The following OVCH2 variants were observed in gnomAD, a reference collection of about 807,000 sequenced individuals.
The protein encoded by OVCH2 is ovochymase 2.
A neutral mutation model predicts 73.7 loss-of-function variants in OVCH2; 88 were observed. The ratio of observed to expected loss-of-function variants is 1.19; its 90% CI spans 1.01 to 1.43. The LOEUF (loss-of-function observed/expected upper bound fraction) is 1.43, where lower values mean the gene tolerates loss of function less well. Among genes scored for constraint, OVCH2 ranks in the 40% most tolerant of loss-of-function variants. OVCH2 has a pLI of 0.00. For synonymous variants in OVCH2, 265 were observed against 234.5 expected (o/e 1.13, Z -1.19); for missense variants, 706 against 674.5 (o/e 1.05, Z -0.52).
At chr11:7,683,608 C>A in the OVCH2 span, among the ~76,000 whole-genome samples, 3 of 152,174 alleles carry the variant, frequency 2.0e-5, no homozygotes, top group African/African-American at 7.2e-5. Context: ...CATTTGATGT[C>A]ATCCCATTCC....
downstream of OVCH2, among the ~76,000 whole-genome samples, chr11:7,684,845 G>A (rs1368942250): frequency 6.6e-6 from 1 of 152,116 alleles, no homozygotes; most frequent in Non-Finnish European, 1.5e-5. Context: ...GGCACAGAGA[G>A]TCTGGGAAGA....
At chr11:7,682,376 T>C in the OVCH2 span, among the ~76,000 whole-genome samples, 1 of 152,190 alleles carries the variant, frequency 6.6e-6, no homozygotes, top group Admixed American at 6.5e-5. Context: ...AATTTAAATT[T>C]CTGATTTCAA....
intron 15 of OVCH2, 79 bp downstream of exon 15, chr11:7,689,845 T>G (rs1216251909): frequency 1.1e-6 from 1 of 873,728 alleles, no homozygotes; most frequent in East Asian, 2.6e-5. Context: ...AAGATGGAAT[T>G]AAATCCATAT....
At chr11:7,696,610 G>C (rs746882843) in intron 9 of OVCH2, 21 bp from the exon 10 acceptor site, 26 of 1,613,906 alleles carry the variant, frequency 1.6e-5, no homozygotes, top group Non-Finnish European at 1.9e-5. Context: ...ATCATGGAGA[G>C]GGCGTTATTT....
rs1377297038 is a variant in OVCH2 at position 7,704,610 on chromosome 11, G to T, written c.153C>A (p.Arg51=). The T allele has an allele frequency of 4.3e-6, 7 of 1,612,888 alleles. No homozygotes were observed. The highest frequency in any genetic ancestry group is 5.9e-6 in the Non-Finnish European group (7 of 1,179,436). ...QPWNYFNIFS[R]ILGGSQVEKG... ...TCTCCACTTGGCTTCCTCCAAGAAT[G>T]CGACTGAAAATGTTAAAATAATTCC... Residue 51 remains arginine (R), a synonymous_variant, in exon 2 of 16, where the codon CGC becomes CGA. Transcript: ENST00000533663.
rs759350855 is a variant in OVCH2 at position 7,695,620 on chromosome 11, G to A, written c.1232C>T (p.Ala411Val). 1 of 1,612,702 alleles carries A rather than the reference G, an allele frequency of 6.2e-7. No individual in the cohort carries two copies. Among genetic ancestry groups the A allele is most frequent in the Admixed American group, 1.7e-5 (1 of 59,958 alleles). The change falls in exon 11 of 16, where the codon GCA becomes GTA. Residue 411 changes from alanine to valine, a missense_variant. Coordinates refer to ENST00000533663, the MANE Select transcript of OVCH2 (RefSeq NM_198185.7). ...TTTATAGGTAAGATTAAACCCAGCTGCATTATCTGTGGCATCAGAGACGAA... is the reference window on the plus strand; with the variant it reads ...TTTATAGGTAAGATTAAACCCAGCTACATTATCTGTGGCATCAGAGACGAA... The part of the protein sequence containing the change: ...LKFVSDATDN[A>V]AGFNLTYKAL...
In OVCH2 at chr11:7,700,555, C is replaced by T. The variant is rs994223528; in HGVS notation, c.712-70G>A. ...TGCCCCAAAATGCTCACTGTTTCCTCACAAGGATGCTGGAGGAGGATCAAT... is the reference window on the plus strand; with the variant it reads ...TGCCCCAAAATGCTCACTGTTTCCTTACAAGGATGCTGGAGGAGGATCAAT... On this transcript the variant is annotated intron_variant, in intron 6 of 15. Transcript: ENST00000533663. 68 of 1,486,366 alleles carry T rather than the reference C, an allele frequency of 4.6e-5. 1 individual carries two copies. The South Asian group carries it at 5.9e-4, about 13-fold the overall frequency. 92.1% of individuals were successfully genotyped at this position (1,486,366 alleles called of 1,614,324 possible).
At chr11:7,693,112 T>C (rs1384728364) in intron 12 of OVCH2, among the ~76,000 whole-genome samples, 1 of 151,904 alleles carries the variant, frequency 6.6e-6, no homozygotes, top group Non-Finnish European at 1.5e-5. Context: ...CACTAGCCAA[T>C]TGAATTTGAA....
In OVCH2 at chr11:7,691,935, C is replaced by G. The variant is rs1298660114; in HGVS notation, c.1474G>C (p.Val492Leu). Reference protein sequence around the residue: ...SGDCTSDYVTVHSDVERKKEI... With the variant: ...SGDCTSDYVTLHSDVERKKEI... ...TTCTTCCTTTCTACATCGCTGTGCACTGTCACATAGTCGGAAGTGCAGTCT... is the reference window on the plus strand; with the variant it reads ...TTCTTCCTTTCTACATCGCTGTGCAGTGTCACATAGTCGGAAGTGCAGTCT... Residue 492 changes from valine (V) to leucine (L), a missense_variant, in exon 13 of 16, where the codon GTG (valine) becomes CTG (leucine). By Grantham distance (32) the Val-to-Leu change is conservative. Transcript: ENST00000533663. 3 of 1,577,084 alleles carry G rather than the reference C, an allele frequency of 1.9e-6. No individual in the cohort carries two copies. The highest frequency in any genetic ancestry group is 8.6e-7 in the Non-Finnish European group (1 of 1,159,642).
rs775712587 is a variant in OVCH2 at position 7,691,408 on chromosome 11, A to G, written c.1508-8T>C. 6.2e-7 allele frequency: 1 copy of G among 1,610,148 alleles called. No homozygotes were observed. The highest frequency in any genetic ancestry group is 1.1e-5 in the South Asian group (1 of 90,894). On this transcript the variant is annotated splice_region_variant and splice_polypyrimidine_tract_variant and intron_variant, in intron 13 of 15. Transcript: ENST00000533663. ...CATAGCCACACAGCCGAGCTTGTTG[A>G]AGGCCAGCCCAGGCATGACATTGTC...
At chr11:7,696,997 G>T (rs73400732) in intron 8 of OVCH2, 198 bp from the exon 9 acceptor site, 9,343 of 577,496 alleles carry the variant, frequency 0.016, 629 homozygotes, top group African/African-American at 0.16. Context: ...GAGATTCTAT[G>T]ATTGGTTTTC....
chr11:7,695,501 T>C (rs1035525422), intron 11 of OVCH2, 69 bp downstream of exon 11: 7 of 1,456,020 alleles, frequency 4.8e-6, no homozygotes, highest in Non-Finnish European at 6.6e-6. Context: ...GCCACTCACC[T>C]AATTCCTATG....
At position 7,704,769 on chromosome 11, in the gene OVCH2, A is replaced by G. The variant is rs184511130; in HGVS notation, c.89-95T>C. 9.4e-6 allele frequency: 7 copies of G among 742,254 alleles called. No individual in the cohort carries two copies. The East Asian group carries it at 1.9e-4, about 20-fold the overall frequency. 46.0% of individuals were successfully genotyped at this position (742,254 alleles called of 1,614,324 possible). On this transcript the variant is annotated intron_variant, in intron 1 of 15. Coordinates refer to ENST00000533663, the MANE Select transcript of OVCH2 (RefSeq NM_198185.7). ...CACCCATGAAACTGAGTCTGAGACT[A>G]TGGTGTATGGTGCTCAGCACACATT...
chr11:7,705,632 T>A (rs1856516616), intron 1 of OVCH2: 1 of 152,226 alleles, frequency 6.6e-6, no homozygotes, highest in African/African-American at 2.4e-5. Context: ...CACAGCTGGA[T>A]AATGGCAGAG....
intron 12 of OVCH2, among the ~76,000 whole-genome samples, chr11:7,692,764 G>A (rs865959281): frequency 6.6e-6 from 1 of 152,144 alleles, no homozygotes. Context: ...GCTATGATGA[G>A]TAATGACCTA....
Position 7,701,698 on chromosome 11 carries a change from T to A in OVCH2, c.559+18A>T. 3.7e-6 allele frequency: 6 copies of A among 1,603,628 alleles called. No individual in the cohort carries two copies. Among genetic ancestry groups the A allele is most frequent in the East Asian group, 4.5e-5 (2 of 44,402 alleles). Reference sequence around the variant, plus strand: ...AGTTCTGACCTCTGCTTAAGAGGAATGGCACACAAGTTCTTACCTTCAGTT... The same window carrying A: ...AGTTCTGACCTCTGCTTAAGAGGAAAGGCACACAAGTTCTTACCTTCAGTT... On this transcript the variant is annotated intron_variant, in intron 5 of 15. Coordinates refer to ENST00000533663, the MANE Select transcript of OVCH2 (RefSeq NM_198185.7).
At chr11:7,701,994 A>G (rs1466186759) in intron 4 of OVCH2, among the ~76,000 whole-genome samples, 163 bp downstream of exon 4, 2 of 152,178 alleles carry the variant, frequency 1.3e-5, no homozygotes, top group Non-Finnish European at 2.9e-5. Context: ...ATGTAATGCT[A>G]TCTCCAGAAC....
chr11:7,697,587 A>G (rs1185277539), intron 8 of OVCH2, among the ~76,000 whole-genome samples: 1 of 152,074 alleles, frequency 6.6e-6, no homozygotes, highest in Non-Finnish European at 1.5e-5. Context: ...AACTGCACCC[A>G]CTTCTGATTT....
chr11:7,688,767 T>C (rs1431760424), downstream of OVCH2, among the ~76,000 whole-genome samples: 3 of 152,260 alleles, frequency 2.0e-5, no homozygotes, highest in African/African-American at 2.4e-5. Context: ...TGGAACAAGA[T>C]GTCACTTATA....
Sources: allele counts gnomAD v4.1 joint callset (sites outside exome capture counted in the v4.1 genomes callset), GRCh38; gene constraint gnomAD v4.1.1; transcripts MANE v1.5; gene names NCBI Gene and HGNC (gene_info 2026-07-23, HGNC 2026-07-21).